The following TNPO2 variants were observed in gnomAD, a reference collection of about 807,000 sequenced individuals.
The protein encoded by TNPO2 is transportin 2, also known as transportin-2.
TNPO2 carries 16 observed loss-of-function variants against 111.1 expected under a neutral mutation model. That is an observed-to-expected ratio of 0.14 (90% CI 0.10 to 0.22). The LOEUF (loss-of-function observed/expected upper bound fraction) is 0.22. Ranked by LOEUF, TNPO2 falls within the 10% of genes least tolerant of loss-of-function variation. The probability of loss-of-function intolerance (pLI) is 1.00; values close to 1 mark genes in which losing one functional copy is unlikely to be tolerated. For synonymous variants in TNPO2, 481 were observed against 475.8 expected (o/e 1.01, Z -0.14); for missense variants, 530 against 1,173.7 (o/e 0.45, Z 8.01).
intron 10 of TNPO2, 112 bp from the exon 11 acceptor site, chr19:12,711,725 T>C (rs1300730905): frequency 2.4e-6 from 2 of 849,218 alleles, no homozygotes; most frequent in African/African-American, 3.3e-5. Flanking sequence ...AGCCCCCCAA[T>C]CAGCCACAGA....
In TNPO2 at chr19:12,705,567, A is replaced by G; in HGVS notation, c.1788T>C (p.Ser596=). Residue 596 remains serine (S), a synonymous_variant, in exon 17 of 26, where the codon AGT becomes AGC. Transcript: ENST00000425528. The surrounding 1 kb of genome is among the most constrained non-coding windows in gnomAD (Gnocchi z 7.2). ...CGGGCTCACAGTAAGGCAGGAAGCCACTCTGCAGGGCGGTGGCCACCGATG... is the reference window on the plus strand; with the variant it reads ...CGGGCTCACAGTAAGGCAGGAAGCCGCTCTGCAGGGCGGTGGCCACCGATG... ...CLSSVATALQ[S]GFLPYCEPVY... 5 of 1,605,414 alleles carry G rather than the reference A, an allele frequency of 3.1e-6. No homozygotes were observed. The highest frequency in any genetic ancestry group is 4.2e-6 in the Non-Finnish European group (5 of 1,176,606).
chr19:12,719,381 G>A lies in TNPO2; in HGVS notation c.100-45C>T, dbSNP rs1175188459. On this transcript the variant is annotated intron_variant, in intron 3 of 25. Transcript: ENST00000425528. This position sits in a 1 kb window ranked among gnomAD's most constrained non-coding sequence, Gnocchi z 5.0. Reference sequence around the variant, plus strand: ...CTTGGAAGACAGAGGCCTTCCCCCAGCCAGGTCCCCTCATTATGTACCTGA... The same window carrying A: ...CTTGGAAGACAGAGGCCTTCCCCCAACCAGGTCCCCTCATTATGTACCTGA... 2.6e-6 allele frequency: 4 copies of A among 1,556,468 alleles called. No individual in the cohort carries two copies. Among genetic ancestry groups the A allele is most frequent in the Non-Finnish European group, 3.5e-6 (4 of 1,129,960 alleles).
At chr19:12,704,962 G>C (rs115676505) in intron 18 of TNPO2, among the ~76,000 whole-genome samples, 41 of 152,040 alleles carry the variant, frequency 2.7e-4, no homozygotes, top group Non-Finnish European at 4.4e-5. Context: ...GATTATAGGC[G>C]TGAGCACCTG....
intron 3 of TNPO2, 111 bp downstream of exon 3, chr19:12,720,765 ACAG>A (rs1389104752): frequency 2.2e-6 from 3 of 1,344,210 alleles, no homozygotes; most frequent in Non-Finnish European, 3.0e-6. Flanking sequence ...GATCCTCCGC[ACAG>A]CAGAAAAAAT....
rs2025186925 is a variant in TNPO2, at chr19:12,699,647, T to A, written c.*1617A>T. 6.6e-6 allele frequency: 1 copy of A among 151,684 alleles called. No homozygotes were observed. The highest frequency in any genetic ancestry group is 1.5e-5 in the Non-Finnish European group (1 of 67,922). The allele number at this position is 151,684 out of a possible 1,614,324, so 9.4% of individuals were successfully genotyped here. On this transcript the variant is annotated 3_prime_UTR_variant, in exon 26 of 26. Transcript: ENST00000425528. ...GGAATTACCAGAAAATTAAAAGGTA[T>A]TTTTAAAACTTTTTTTTTTTTTTTT...
chr19:12,714,957 A>C lies in TNPO2; in HGVS notation c.772-18T>G. On this transcript the variant is annotated intron_variant, in intron 9 of 25. Transcript: ENST00000425528. Reference sequence around the variant, plus strand: ...AGCATGTACTGTGGTAGGGGGGAGAAGCTGAGGCCTGGCCTGGCTGGGGGT... The same window carrying C: ...AGCATGTACTGTGGTAGGGGGGAGACGCTGAGGCCTGGCCTGGCTGGGGGT... 6.2e-7 allele frequency: 1 copy of C among 1,604,118 alleles called. No individual in the cohort carries two copies. Among genetic ancestry groups the C allele is most frequent in the Non-Finnish European group, 8.5e-7 (1 of 1,175,678 alleles).
rs1325840529 is a variant in TNPO2, at chr19:12,706,381, G to A, written c.1497-14C>T. 1.9e-6 allele frequency: 3 copies of A among 1,613,904 alleles called. No individual in the cohort carries two copies. The highest frequency in any genetic ancestry group is 2.5e-6 in the Non-Finnish European group (3 of 1,180,020). On this transcript the variant is annotated splice_polypyrimidine_tract_variant and intron_variant, in intron 14 of 25. Transcript: ENST00000425528. The surrounding 1 kb of genome is among the most constrained non-coding windows in gnomAD (Gnocchi z 7.0). The stretch of plus-strand genomic sequence containing the variant: ...GTGGCAAAAGCACTGGTGGGAGGGA[G>A]GATGAAGCGGGGGCTCAGTGGACCA...
rs1012846961 is a variant in TNPO2, at chr19:12,711,459, C to T, written c.954G>A (p.Gly318=). The change falls in exon 12 of 26, where the codon GGG becomes GGA. Residue 318 remains glycine, a splice_region_variant and synonymous_variant. Transcript: ENST00000425528. ...YSEIDIILLK[G]DVEEDEAVPD... ...GGACAGCCTCATCCTCCTCCACATC[C>T]CCCTGGGGGACAGGCAGACTGTTAA... 6.2e-7 allele frequency: 1 copy of T among 1,613,962 alleles called. No individual in the cohort carries two copies. Among genetic ancestry groups the T allele is most frequent in the African/African-American group, 1.3e-5 (1 of 75,044 alleles).
rs1253090072 is a variant in TNPO2 at position 12,710,645 on chromosome 19, G to A, written c.1246C>T (p.Leu416=). 2.5e-6 allele frequency: 4 copies of A among 1,613,438 alleles called. No individual in the cohort carries two copies. Among genetic ancestry groups the A allele is most frequent in the Non-Finnish European group, 2.5e-6 (3 of 1,179,756 alleles). The part of the protein sequence containing the change: ...PEWVVKESGI[L]VLGAIAEGCM... ...CCCTCAGCAATGGCGCCCAGCACCAGGATGCCCGACTCCTTGACCACCCAC... is the reference window on the plus strand; with the variant it reads ...CCCTCAGCAATGGCGCCCAGCACCAAGATGCCCGACTCCTTGACCACCCAC... Residue 416 remains leucine (L), a synonymous_variant, in exon 13 of 26, where the codon CTG becomes TTG. Coordinates refer to ENST00000425528, the MANE Select transcript of TNPO2 (RefSeq NM_001382241.1).
chr19:12,707,490 T>C (rs969277709), intron 13 of TNPO2, among the ~76,000 whole-genome samples: 5 of 118,118 alleles, frequency 4.2e-5, no homozygotes, highest in African/African-American at 1.2e-4. Context: ...TTTTTTTTTT[T>C]TTTTTTTTTT....
rs574181878 is a variant in TNPO2 at position 12,705,858 on chromosome 19, G to A, written c.1669-90C>T. The A allele has an allele frequency of 1.3e-5, 13 of 974,472 alleles. No individual in the cohort carries two copies. Among genetic ancestry groups the A allele is most frequent in the South Asian group, 8.9e-5 (5 of 56,076 alleles). The allele number at this position is 974,472 out of a possible 1,614,324, so 60.4% of individuals were successfully genotyped here. A position where few individuals can be genotyped will look rare whatever the true frequency, so the allele number is the denominator to read the frequency against. ...GTTGCCCGAGTGATGAGGCCTGAGC[G>A]CCTCACCGTGGCTCATGGGACCCTG... On this transcript the variant is annotated intron_variant, in intron 15 of 25. Coordinates refer to ENST00000425528, the MANE Select transcript of TNPO2 (RefSeq NM_001382241.1). This position sits in a 1 kb window ranked among gnomAD's most constrained non-coding sequence, Gnocchi z 7.2.
In TNPO2 at chr19:12,715,541, G is replaced by T; in HGVS notation, c.433-3C>A. 6.2e-7 allele frequency: 1 copy of T among 1,614,000 alleles called. No individual in the cohort carries two copies. The highest frequency in any genetic ancestry group is 8.5e-7 in the Non-Finnish European group (1 of 1,179,868). On this transcript the variant is annotated splice_region_variant and splice_polypyrimidine_tract_variant and intron_variant, in intron 6 of 25. Transcript: ENST00000425528. This position sits in a 1 kb window ranked among gnomAD's most constrained non-coding sequence, Gnocchi z 7.1. ...TTCTGCAGGGCTCCAAAGGCTCCCT[G>T]AGTGCAGAGGGGCAGAGAGACAAAC...
chr19:12,722,025 C>T (rs999463543), intron 2 of TNPO2: 3 of 151,798 alleles, frequency 2.0e-5, no homozygotes, highest in Admixed American at 2.0e-4. Flanking sequence ...GACGCCCCTC[C>T]CTGTCAGGAC....
chr19:12,711,128 T>C (rs1347977507), intron 12 of TNPO2, 168 bp downstream of exon 12: 3 of 788,896 alleles, frequency 3.8e-6, no homozygotes, highest in Non-Finnish European at 3.9e-6. Context: ...TCTCCTGACC[T>C]CGTGATCCGC....
chr19:12,704,409 C>A (rs1297351064), intron 18 of TNPO2, among the ~76,000 whole-genome samples: 1 of 152,118 alleles, frequency 6.6e-6, no homozygotes, highest in Non-Finnish European at 1.5e-5. Flanking sequence ...ATAGTGTTTG[C>A]ATATGCACCT....
chr19:12,701,889 C>A lies in TNPO2; in HGVS notation c.2412-38G>T, dbSNP rs368672606. 175 of 1,572,198 alleles carry A rather than the reference C, an allele frequency of 1.1e-4. No homozygotes were observed. Among genetic ancestry groups the A allele is most frequent in the Non-Finnish European group, 1.4e-4 (165 of 1,144,950 alleles). On this transcript the variant is annotated intron_variant, in intron 22 of 25. Transcript: ENST00000425528. The surrounding 1 kb of genome is among the most constrained non-coding windows in gnomAD (Gnocchi z 5.0). ...GAGCAGCTGGAGGTCAGAGGGCAGG[C>A]TGGGCATGCATCTGTGGAGGGCTGG...
Position 12,705,539 on chromosome 19 carries a change from A to T in TNPO2, c.1816T>A (p.Tyr606Asn). The change falls in exon 17 of 26, where the codon TAC becomes AAC. Residue 606 changes from tyrosine to asparagine, a missense_variant. Physicochemically the swap from Tyr to Asn is moderately radical, Grantham distance 143. Transcript: ENST00000425528. This position sits in a 1 kb window ranked among gnomAD's most constrained non-coding sequence, Gnocchi z 7.2. ...TGCACCAGGGTGACACAGCGCTGGT[A>T]GACGGGCTCACAGTAAGGCAGGAAG... Reference protein sequence around the residue: ...SGFLPYCEPVYQRCVTLVQKT... With the variant: ...SGFLPYCEPVNQRCVTLVQKT... 6.2e-7 allele frequency: 1 copy of T among 1,605,590 alleles called. No homozygotes were observed. The highest frequency in any genetic ancestry group is 8.5e-7 in the Non-Finnish European group (1 of 1,176,672).
At position 12,702,497 on chromosome 19, in the gene TNPO2, G is replaced by A; in HGVS notation, c.2306-320C>T. The stretch of plus-strand genomic sequence containing the variant: ...GCAACCTGCCTCAGCCTCCCGAGTA[G>A]CTGGGATTGCAGGCACGTGCCATTA... On this transcript the variant is annotated intron_variant, in intron 21 of 25. Transcript: ENST00000425528. The surrounding 1 kb of genome is among the most constrained non-coding windows in gnomAD (Gnocchi z 5.5). 1.8e-6 allele frequency: 1 copy of A among 546,148 alleles called. No individual in the cohort carries two copies. Among genetic ancestry groups the A allele is most frequent in the South Asian group, 1.9e-5 (1 of 53,180 alleles). The allele number at this position is 546,148 out of a possible 1,614,324, so 33.8% of individuals were successfully genotyped here.
Position 12,702,946 on chromosome 19 carries a change from C to T in TNPO2, c.2210-28G>A. On this transcript the variant is annotated intron_variant, in intron 20 of 25. Coordinates refer to ENST00000425528, the MANE Select transcript of TNPO2 (RefSeq NM_001382241.1). This position sits in a 1 kb window ranked among gnomAD's most constrained non-coding sequence, Gnocchi z 5.5. The stretch of plus-strand genomic sequence containing the variant: ...GGGGGAGCACCCAGTCAGAGCCCTG[C>T]ACAGCCCCCGCCACCCACAGGGGCC... 6.2e-7 allele frequency: 1 copy of T among 1,607,644 alleles called. No homozygotes were observed. The highest frequency in any genetic ancestry group is 8.5e-7 in the Non-Finnish European group (1 of 1,174,766).
Sources: gnomAD v4.1 joint callset for allele counts (sites outside exome capture counted in the v4.1 genomes callset) on GRCh38, gnomAD v4.1.1 for gene constraint, Gnocchi (gnomAD v3.1) non-coding constraint, MANE v1.5 for transcripts, NCBI Gene and HGNC (gene_info 2026-07-23, HGNC 2026-07-21) for gene names.